The following DAPK1 variants were observed in gnomAD, a reference collection of about 807,000 sequenced individuals.
DAPK1 encodes the protein death associated protein kinase 1.
Under a neutral mutation model 144.9 loss-of-function variants are expected in DAPK1, and 56 were observed. That is an observed-to-expected ratio of 0.39 (90% confidence interval 0.31 to 0.48). The LOEUF (loss-of-function observed/expected upper bound fraction) is 0.48, where lower values mean the gene tolerates loss of function less well. Ranked by LOEUF, DAPK1 falls within the 20% of genes least tolerant of loss-of-function variation. The pLI, the probability that DAPK1 is intolerant of heterozygous loss-of-function variation, is 0.95. For missense variants in DAPK1, 1,454 were observed against 1,875.4 expected (o/e 0.78, Z 4.15); for synonymous variants, 690 against 749.0 (o/e 0.92, Z 1.29).
In DAPK1 at chr9:87,571,490, C is replaced by CCCCA. The variant is rs1564000985; in HGVS notation, c.63-33464_63-33463insCCCA. On this transcript the variant is annotated intron_variant, in intron 2 of 25. Transcript: ENST00000408954. ...ACACACACACCAACACACACACACA[C>CCCCA]ACACCCCAACACACACACACACACA... Among the ~76,000 whole-genome samples, 11 of 45,256 alleles carry CCCCA rather than the reference C, an allele frequency of 2.4e-4. 1 individual carries two copies. In the South Asian group the frequency reaches 9.0e-3, roughly 37 times the overall value. 29.7% of individuals were successfully genotyped at this position (45,256 alleles called of 152,430 possible).
intron 3 of DAPK1, among the ~76,000 whole-genome samples, chr9:87,634,515 G>T (rs1435697338): frequency 6.6e-6 from 1 of 152,212 alleles, no homozygotes; most frequent in Non-Finnish European, 1.5e-5. Context: ...CCACAGCAGG[G>T]CTGGCAAAAT....
chr9:87,505,855 T>C (rs1824567370), intron 2 of DAPK1, among the ~76,000 whole-genome samples: 2 of 152,132 alleles, frequency 1.3e-5, no homozygotes, highest in Admixed American at 6.6e-5. Context: ...ACCTGGCTAA[T>C]TTTTTTATTT....
intron 2 of DAPK1, among the ~76,000 whole-genome samples, chr9:87,519,659 T>C (rs1225819290): frequency 6.6e-6 from 1 of 152,148 alleles, no homozygotes; most frequent in Non-Finnish European, 1.5e-5. Flanking sequence ...GACACAGGGA[T>C]GGCAGCCAGG....
intron 1 of DAPK1, chr9:87,498,727 C>A (rs1486821291): frequency 1.2e-5 from 5 of 433,172 alleles, no homozygotes; most frequent in Non-Finnish European, 2.0e-5. Flanking sequence ...ACAGACCGCC[C>A]AGCGTTTGGG....
chr9:87,625,993 G>A (rs772906764), intron 3 of DAPK1, among the ~76,000 whole-genome samples: 4 of 152,190 alleles, frequency 2.6e-5, no homozygotes, highest in Admixed American at 6.5e-5. Flanking sequence ...ATGTGGACAC[G>A]CAGTTTATAC....
intron 18 of DAPK1, among the ~76,000 whole-genome samples, chr9:87,659,683 C>T (rs911774395): frequency 3.3e-5 from 5 of 152,172 alleles, no homozygotes; most frequent in Admixed American, 6.5e-5. Flanking sequence ...CAGGTCCCTC[C>T]GTGCACCTCC....
chr9:87,639,247 C>T, intron 4 of DAPK1, 107 bp from the exon 5 acceptor site: 1 of 1,080,282 alleles, frequency 9.3e-7, no homozygotes, highest in Non-Finnish European at 1.3e-6. Context: ...CCCTTTCTTC[C>T]CTACTTTTTG....
intron 10 of DAPK1, 123 bp downstream of exon 10, chr9:87,642,181 C>T (rs1177362017): frequency 4.2e-6 from 3 of 722,292 alleles, no homozygotes; most frequent in Non-Finnish European, 6.9e-6. Context: ...CTTTTTAATC[C>T]ACCCTGTAGT....
At chr9:87,590,302 A>T (rs1828078834) in intron 2 of DAPK1, among the ~76,000 whole-genome samples, 1 of 150,404 alleles carries the variant, frequency 6.6e-6, no homozygotes, top group African/African-American at 2.5e-5. Flanking sequence ...CTCTTTTCTT[A>T]CTTCAAGCTT....
At chr9:87,615,185 C>CT (rs1295908060) in intron 3 of DAPK1, among the ~76,000 whole-genome samples, 2 of 152,218 alleles carry the variant, frequency 1.3e-5, no homozygotes, top group African/African-American at 4.8e-5. Context: ...CCTCATACTG[C>CT]TTTTTCCTCC....
chr9:87,569,320 TG>T (rs1827248880), intron 2 of DAPK1, among the ~76,000 whole-genome samples: 1 of 152,204 alleles, frequency 6.6e-6, no homozygotes, highest in African/African-American at 2.4e-5. Context: ...TGCAGGTTGC[TG>T]GGCTTTGCCC....
intron 2 of DAPK1, among the ~76,000 whole-genome samples, chr9:87,543,202 TCTG>T (rs747448326): frequency 2.0e-5 from 3 of 152,250 alleles, no homozygotes; most frequent in Non-Finnish European, 2.9e-5. Flanking sequence ...CTGTGATAGT[TCTG>T]CTTAAGAATG....
intron 2 of DAPK1, among the ~76,000 whole-genome samples, chr9:87,594,331 G>A (rs1182729259): frequency 6.6e-6 from 1 of 152,126 alleles, no homozygotes; most frequent in Non-Finnish European, 1.5e-5. Context: ...CCTAGGGATG[G>A]TGCTGAGTAA....
intron 2 of DAPK1, among the ~76,000 whole-genome samples, chr9:87,501,544 CAAA>C (rs753100822): frequency 7.4e-6 from 1 of 135,746 alleles, no homozygotes; most frequent in South Asian, 2.4e-4. Context: ...GACTCTGTCT[CAAA>C]AAAAAAAGAA....
chr9:87,599,212 T>C (rs1477021912), intron 2 of DAPK1, among the ~76,000 whole-genome samples: 3 of 152,254 alleles, frequency 2.0e-5, no homozygotes, highest in African/African-American at 4.8e-5. Flanking sequence ...TTCTTAGTTA[T>C]GCAACTTACT....
At chr9:87,517,044 C>T (rs1825087986) in intron 2 of DAPK1, among the ~76,000 whole-genome samples, 1 of 152,184 alleles carries the variant, frequency 6.6e-6, no homozygotes, top group South Asian at 2.1e-4. Flanking sequence ...TTCCTGCCCC[C>T]ATAGTCCCAC....
chr9:87,616,065 A>G (rs556246117), intron 3 of DAPK1, among the ~76,000 whole-genome samples: 5 of 152,362 alleles, frequency 3.3e-5, no homozygotes, highest in African/African-American at 1.2e-4. Context: ...GCAGTGATTT[A>G]GAAGCTTTTG....
intron 2 of DAPK1, among the ~76,000 whole-genome samples, chr9:87,535,262 T>C (rs1825822591): frequency 6.6e-6 from 1 of 152,090 alleles, no homozygotes; most frequent in Non-Finnish European, 1.5e-5. Context: ...GATGGGGGGA[T>C]TACTGTTCTC....
chr9:87,642,621 G>A (rs36212051), intron 10 of DAPK1, among the ~76,000 whole-genome samples: 2 of 152,236 alleles, frequency 1.3e-5, no homozygotes, highest in African/African-American at 4.8e-5. Context: ...AGAAGGTGAT[G>A]GGATGGTTTC....
Sources: allele counts gnomAD v4.1 joint callset (sites outside exome capture counted in the v4.1 genomes callset), GRCh38; gene constraint gnomAD v4.1.1; transcripts MANE v1.5; gene names NCBI Gene and HGNC (gene_info 2026-07-23, HGNC 2026-07-21).